RPS6KC1: variants seen among roughly 807,000 people sequenced by gnomAD.
The protein encoded by RPS6KC1 is ribosomal protein S6 kinase C1.
A neutral mutation model predicts 103.8 loss-of-function variants in RPS6KC1; 54 were observed. The observed-to-expected ratio is 0.52, with a 90% CI of 0.42 to 0.65. RPS6KC1 has a LOEUF of 0.65. Among genes scored for constraint, RPS6KC1 ranks in the 30% least tolerant of loss-of-function variants. RPS6KC1 has a pLI of 0.00. For missense variants in RPS6KC1, 1,151 were observed against 1,253.8 expected, an observed-to-expected ratio of 0.92 and a Z score of 1.24; for synonymous variants, 439 against 438.7, an observed-to-expected ratio of 1.00 and a Z score of -0.01.
At chr1:213,808,172 G>A in the RPS6KC1 span, among the ~76,000 whole-genome samples, 1 of 141,230 alleles carries the variant, frequency 7.1e-6, no homozygotes, top group African/African-American at 3.1e-5. Flanking sequence ...TGTGTGAGGT[G>A]TCAGTCTGCC....
the RPS6KC1 span, among the ~76,000 whole-genome samples, chr1:213,552,637 G>C: frequency 2.0e-5 from 3 of 152,080 alleles, no homozygotes; most frequent in Non-Finnish European, 4.4e-5. Flanking sequence ...CCAGGCCGTG[G>C]CTTGTTTTTA....
the RPS6KC1 span, among the ~76,000 whole-genome samples, chr1:213,562,366 T>G: frequency 1.3e-3 from 12 of 9,364 alleles, no homozygotes; most frequent in African/African-American, 2.7e-3. Context: ...TCTGTTTTTT[T>G]TTTTTTTTTT....
chr1:213,234,146 A>T (rs1336734482), intron 10 of RPS6KC1, among the ~76,000 whole-genome samples: 1 of 151,536 alleles, frequency 6.6e-6, no homozygotes. Flanking sequence ...CTCAGCTGGG[A>T]TTACATGCGT....
intron 6 of RPS6KC1, among the ~76,000 whole-genome samples, chr1:213,156,327 A>G (rs925879763): frequency 2.3e-4 from 35 of 152,190 alleles, no homozygotes; most frequent in Non-Finnish European, 7.4e-5. Context: ...AGATAAAAGT[A>G]TTTTTAAAAA....
chr1:213,317,169 G>A, the RPS6KC1 span, among the ~76,000 whole-genome samples: 2 of 152,206 alleles, frequency 1.3e-5, no homozygotes, highest in Admixed American at 6.5e-5. Flanking sequence ...TATGTAAATT[G>A]AGATAATGGG....
the RPS6KC1 span, among the ~76,000 whole-genome samples, chr1:213,506,383 T>C: frequency 6.6e-6 from 1 of 152,234 alleles, no homozygotes; most frequent in African/African-American, 2.4e-5. Context: ...AGCAACACCA[T>C]GTTTTAATAG....
intron 8 of RPS6KC1, among the ~76,000 whole-genome samples, chr1:213,188,882 A>G (rs2092642712): frequency 6.6e-6 from 1 of 150,832 alleles, no homozygotes; most frequent in Non-Finnish European, 1.5e-5. Context: ...TCTAAAACTT[A>G]TTTGGGAAGT....
intron 6 of RPS6KC1, among the ~76,000 whole-genome samples, chr1:213,134,486 A>G (rs913741821): frequency 6.6e-6 from 1 of 152,032 alleles, no homozygotes; most frequent in Non-Finnish European, 1.5e-5. Context: ...CAGTGAGACT[A>G]TTTTTAATGT....
chr1:213,618,706 G>A, the RPS6KC1 span, among the ~76,000 whole-genome samples: 1 of 152,190 alleles, frequency 6.6e-6, no homozygotes, highest in African/African-American at 2.4e-5. Context: ...GTTAGTGGGT[G>A]GTAAGGTCAT....
At chr1:213,069,743 C>G (rs928676818) in intron 1 of RPS6KC1, among the ~76,000 whole-genome samples, 1 of 152,144 alleles carries the variant, frequency 6.6e-6, no homozygotes, top group Non-Finnish European at 1.5e-5. Context: ...AGAATGGCTA[C>G]TCCATAGGCA....
At chr1:213,188,575 T>TA (rs1436674228) in intron 8 of RPS6KC1, among the ~76,000 whole-genome samples, 8 of 152,288 alleles carry the variant, frequency 5.3e-5, no homozygotes, top group South Asian at 2.1e-4. Flanking sequence ...AGCTTGCACT[T>TA]ATATTTCTAT....
the RPS6KC1 span, among the ~76,000 whole-genome samples, chr1:213,517,823 G>A: frequency 6.6e-6 from 1 of 152,212 alleles, no homozygotes; most frequent in African/African-American, 2.4e-5. Flanking sequence ...AATGTTGACA[G>A]TGGGGTATTA....
At chr1:213,593,583 G>T in the RPS6KC1 span, among the ~76,000 whole-genome samples, 1 of 152,336 alleles carries the variant, frequency 6.6e-6, no homozygotes. Flanking sequence ...ACAGTGAACT[G>T]TCAGGAAGGG....
At chr1:213,753,045 A>G in the RPS6KC1 span, among the ~76,000 whole-genome samples, 1 of 152,084 alleles carries the variant, frequency 6.6e-6, no homozygotes, top group Non-Finnish European at 1.5e-5. Flanking sequence ...ATTTCTTTGT[A>G]CTCCATGCAT....
the RPS6KC1 span, among the ~76,000 whole-genome samples, chr1:213,570,534 T>C: frequency 6.6e-6 from 1 of 152,172 alleles, no homozygotes; most frequent in East Asian, 1.9e-4. Context: ...TAGAAGAACA[T>C]GTGCTACCAG....
chr1:213,565,855 A>C, the RPS6KC1 span, among the ~76,000 whole-genome samples: 1 of 151,782 alleles, frequency 6.6e-6, no homozygotes, highest in Non-Finnish European at 1.5e-5. Flanking sequence ...GCTATTCAGG[A>C]GGCTGAGGCA....
At chr1:213,278,538 A>AT (rs1257329324), downstream of RPS6KC1, among the ~76,000 whole-genome samples, 1 of 152,206 alleles carries the variant, frequency 6.6e-6, no homozygotes, top group Non-Finnish European at 1.5e-5. Flanking sequence ...AGGATTCTAA[A>AT]TGACTAAGAA....
At chr1:213,699,194 TC>T in the RPS6KC1 span, among the ~76,000 whole-genome samples, 3 of 152,026 alleles carry the variant, frequency 2.0e-5, no homozygotes, top group Non-Finnish European at 4.4e-5. Flanking sequence ...CATCCCCACT[TC>T]CCTCACACCT....
the RPS6KC1 span, among the ~76,000 whole-genome samples, chr1:213,362,216 A>G: frequency 6.6e-6 from 1 of 152,182 alleles, no homozygotes; most frequent in Non-Finnish European, 1.5e-5. Context: ...TTCCAACTGG[A>G]AATACAGTGG....
Sources: allele counts gnomAD v4.1 joint callset (sites outside exome capture counted in the v4.1 genomes callset), GRCh38; gene constraint gnomAD v4.1.1; transcripts MANE v1.5; gene names NCBI Gene and HGNC (gene_info 2026-07-23, HGNC 2026-07-21).